The following LPCAT1 variants were observed in gnomAD, a reference collection of about 807,000 sequenced individuals.
LPCAT1 encodes lysophosphatidylcholine acyltransferase 1.
A neutral mutation model predicts 60.9 loss-of-function variants in LPCAT1; 23 were observed. The ratio of observed to expected loss-of-function variants is 0.38; its 90% confidence interval spans 0.27 to 0.53. The LOEUF is 0.53. Ranked by LOEUF, LPCAT1 falls within the 20% of genes least tolerant of loss-of-function variation. LPCAT1 has a pLI of 0.82. For synonymous variants in LPCAT1, 340 were observed against 301.1 expected (o/e 1.13, Z -1.34); for missense variants, 622 against 723.6 (o/e 0.86, Z 1.61).
intron 1 of LPCAT1, among the ~76,000 whole-genome samples, chr5:1,507,638 C>A (rs1044174332): frequency 1.4e-4 from 21 of 152,338 alleles, no homozygotes; most frequent in African/African-American, 4.1e-4. Flanking sequence ...CGCGAGCGCT[C>A]ACGCCTGCAG....
rs999759663 is a variant in LPCAT1 at position 1,502,192 on chromosome 5, G to A, written c.136-589C>T. 2.0e-5 allele frequency among the ~76,000 whole-genome samples: 3 copies of A among 152,078 alleles called. No individual in the cohort carries two copies. Among genetic ancestry groups the A allele is most frequent in the Non-Finnish European group, 4.4e-5 (3 of 68,000 alleles). On this transcript the variant is annotated intron_variant, in intron 1 of 13. Transcript: ENST00000283415. This position sits in a 1 kb window ranked among gnomAD's most constrained non-coding sequence, Gnocchi z 5.5. ...TGGAGCTTCCTCCTGCAAATTCAAG[G>A]GCCACTCTGACGCACAGCACACAAC...
intron 1 of LPCAT1, among the ~76,000 whole-genome samples, chr5:1,509,323 A>G (rs927884716): frequency 2.0e-5 from 3 of 152,234 alleles, no homozygotes; most frequent in Non-Finnish European, 4.4e-5. Flanking sequence ...ATTATGTGGA[A>G]AAAATTATCC....
At position 1,470,877 on chromosome 5, in the gene LPCAT1, A is replaced by C. The variant is rs747749738; in HGVS notation, c.1227T>G (p.Ser409=). The part of the protein sequence containing the change: ...VDLRECVVAL[S]VVCRPARTLD... The stretch of plus-strand genomic sequence containing the variant: ...GGGTCCGGGCCGGCCGGCAGACGAC[A>C]GACAGGGCAACCACACACTCTCGCA... Residue 409 remains serine (S), a synonymous_variant, in exon 12 of 14, where the codon TCT becomes TCG. Coordinates refer to ENST00000283415, the MANE Select transcript of LPCAT1 (RefSeq NM_024830.5). 6.2e-7 allele frequency: 1 copy of C among 1,613,542 alleles called. No individual in the cohort carries two copies. The highest frequency in any genetic ancestry group is 8.5e-7 in the Non-Finnish European group (1 of 1,179,986).
rs749719146 is a variant in LPCAT1 at position 1,474,661 on chromosome 5, G to C, written c.924C>G (p.Asp308Glu). 1 of 1,613,902 alleles carries C rather than the reference G, an allele frequency of 6.2e-7. No individual in the cohort carries two copies. The highest frequency in any genetic ancestry group is 8.5e-7 in the Non-Finnish European group (1 of 1,179,972). The part of the protein sequence containing the change: ...MAEALGVSVT[D>E]YTFEDCQLAL... Reference sequence around the variant, plus strand: ...CCAGCTGGCAGTCCTCGAACGTGTAGTCAGTCACGGAGACACCCAAGGCCC... The same window carrying C: ...CCAGCTGGCAGTCCTCGAACGTGTACTCAGTCACGGAGACACCCAAGGCCC... The change falls in exon 10 of 14, where the codon GAC becomes GAG. Residue 308 changes from aspartate to glutamate, a missense_variant. Physicochemically the swap from Asp to Glu is conservative, Grantham distance 45. This residue lies in a region of LPCAT1 where 209 missense variants were observed against 325.5 expected (regional missense o/e 0.64). Transcript: ENST00000283415.
chr5:1,488,294 A>T (rs1042778974), intron 5 of LPCAT1, 97 bp downstream of exon 5: 4 of 736,322 alleles, frequency 5.4e-6, no homozygotes, highest in African/African-American at 1.8e-5. Context: ...ATAAAAACAG[A>T]AACTGTTCTT....
intron 2 of LPCAT1, among the ~76,000 whole-genome samples, chr5:1,498,685 T>C (rs575697789): frequency 1.3e-5 from 2 of 152,070 alleles, no homozygotes; most frequent in Non-Finnish European, 2.9e-5. Flanking sequence ...GTACATACTG[T>C]CATACACGTA....
At chr5:1,494,010 G>A (rs1735685554) in intron 3 of LPCAT1, among the ~76,000 whole-genome samples, 1 of 152,272 alleles carries the variant, frequency 6.6e-6, no homozygotes. Context: ...GAGGCAGGAA[G>A]GGGCCGCACA....
chr5:1,494,385 T>C (rs1311897249), intron 3 of LPCAT1, among the ~76,000 whole-genome samples: 1 of 149,910 alleles, frequency 6.7e-6, no homozygotes. Flanking sequence ...TGCCCGGCGG[T>C]GGGGGCTCGA....
chr5:1,472,587 G>C (rs979911395), intron 11 of LPCAT1, among the ~76,000 whole-genome samples: 1 of 152,206 alleles, frequency 6.6e-6, no homozygotes, highest in African/African-American at 2.4e-5. Flanking sequence ...AAAATTAACT[G>C]CACAGTGTCA....
At chr5:1,510,482 G>A (rs1736323680) in intron 1 of LPCAT1, among the ~76,000 whole-genome samples, 1 of 152,194 alleles carries the variant, frequency 6.6e-6, no homozygotes, top group South Asian at 2.1e-4. Flanking sequence ...CGGCCCCGCA[G>A]TCCCACAGCA....
intron 2 of LPCAT1, 48 bp from the exon 3 acceptor site, chr5:1,494,962 G>C (rs752237234): frequency 7.0e-5 from 106 of 1,510,020 alleles, no homozygotes; most frequent in Non-Finnish European, 8.4e-5. Context: ...CGCAGTCTCG[G>C]AGTCTGTGTG....
Position 1,523,902 on chromosome 5 carries a change from G to C in LPCAT1, c.-58C>G. On this transcript the variant is annotated 5_prime_UTR_variant, in exon 1 of 14. Transcript: ENST00000283415. This position sits in a 1 kb window ranked among gnomAD's most constrained non-coding sequence, Gnocchi z 7.1. ...CTGCCTGGGGCGCCGAGCGGGGCCG[G>C]GGCTAGCTGGGCGCGGGTCTCGGGG... is the stretch of plus-strand genomic sequence containing the variant. 9.9e-7 allele frequency: 1 copy of C among 1,006,322 alleles called. No homozygotes were observed. Among genetic ancestry groups the C allele is most frequent in the Non-Finnish European group, 1.2e-6 (1 of 843,612 alleles). The allele number at this position is 1,006,322 out of a possible 1,614,324, so 62.3% of individuals were successfully genotyped here.
intron 1 of LPCAT1, among the ~76,000 whole-genome samples, chr5:1,503,174 C>T (rs1385317600): frequency 2.0e-5 from 3 of 152,176 alleles, no homozygotes; most frequent in Non-Finnish European, 4.4e-5. Flanking sequence ...TTTGCCTCCC[C>T]TTCCCCGCTT....
Position 1,501,435 on chromosome 5 carries a change from G to A in LPCAT1, c.278+26C>T, listed in dbSNP as rs766724996. 8.7e-5 allele frequency: 138 copies of A among 1,590,010 alleles called. 3 individuals are homozygous for A. The South Asian group carries it at 1.5e-3, about 17-fold the overall frequency. On this transcript the variant is annotated intron_variant, in intron 2 of 13. Coordinates refer to ENST00000283415, the MANE Select transcript of LPCAT1 (RefSeq NM_024830.5). ...TGGCCGCGTGACCCCCCCCCAGGAG[G>A]AGAGCACGGCACACGCGCAACTTAC...
intron 13 of LPCAT1, among the ~76,000 whole-genome samples, chr5:1,465,034 A>T (rs1234886566): frequency 1.9e-5 from 1 of 52,114 alleles, no homozygotes; most frequent in East Asian, 2.7e-4. Context: ...GCGCAGGCAC[A>T]CTAAACACAC....
rs1734443690 is a variant in LPCAT1, at chr5:1,467,052, T to C, written c.1279-162A>G. The C allele has an allele frequency of 6.3e-6, 4 of 634,228 alleles. No individual in the cohort carries two copies. In the Admixed American group the frequency reaches 1.7e-4, roughly 27 times the overall value. The allele number at this position is 634,228 out of a possible 1,614,324, so 39.3% of individuals were successfully genotyped here. A position where few individuals can be genotyped will look rare whatever the true frequency, so the allele number is the denominator to read the frequency against. On this transcript the variant is annotated intron_variant, in intron 12 of 13. Coordinates refer to ENST00000283415, the MANE Select transcript of LPCAT1 (RefSeq NM_024830.5). The stretch of plus-strand genomic sequence containing the variant: ...GGACTCGAACTTCCATGTGGAGCCA[T>C]GCAGCAGGGCCCTGTGCCTTGGATC...
intron 12 of LPCAT1, 180 bp from the exon 13 acceptor site, chr5:1,467,070 C>T: frequency 3.7e-6 from 2 of 539,764 alleles, no homozygotes; most frequent in Non-Finnish European, 2.8e-6. Context: ...GGCCCTGTGC[C>T]TTGGATCTGG....
intron 12 of LPCAT1, among the ~76,000 whole-genome samples, chr5:1,469,866 A>T (rs1734597565): frequency 6.6e-6 from 1 of 151,676 alleles, no homozygotes; most frequent in African/African-American, 2.4e-5. Context: ...GGCTCAGATC[A>T]GGGGCCCTAG....
At chr5:1,508,428 A>G (rs970322644) in intron 1 of LPCAT1, among the ~76,000 whole-genome samples, 2 of 152,150 alleles carry the variant, frequency 1.3e-5, no homozygotes, top group East Asian at 3.9e-4. Flanking sequence ...GGGGGCCCTG[A>G]GCCAACCTGC....
Sources: allele counts gnomAD v4.1 joint callset (sites outside exome capture counted in the v4.1 genomes callset), GRCh38; gene constraint gnomAD v4.1.1; regional missense constraint gnomAD v4.1.1; non-coding constraint Gnocchi (gnomAD v3.1); transcripts MANE v1.5; gene names NCBI Gene and HGNC (gene_info 2026-07-23, HGNC 2026-07-21).